The following OC90 variants were observed in gnomAD, a reference collection of about 807,000 sequenced individuals.
OC90 encodes the protein otoconin-90.
In OC90, 46 loss-of-function variants were observed where a neutral mutation model predicts 47.3. That is an observed-to-expected ratio of 0.97 (90% CI 0.77 to 1.24). The LOEUF is 1.24. Ranked by LOEUF, OC90 falls within the 50% of genes most tolerant of loss-of-function variation. The pLI, the probability that OC90 is intolerant of heterozygous loss-of-function variation, is 0.00. For missense variants in OC90, 688 were observed against 583.9 expected, an observed-to-expected ratio of 1.18 and a Z score of -1.84; for synonymous variants, 271 against 219.5, an observed-to-expected ratio of 1.23 and a Z score of -2.07.
At chr8:132,032,539 A>G (rs965149733) in intron 11 of OC90, among the ~76,000 whole-genome samples, 3 of 152,080 alleles carry the variant, frequency 2.0e-5, no homozygotes, top group Non-Finnish European at 2.9e-5. Context: ...CTCTGTCCAC[A>G]AATCTCAAAT....
intron 9 of OC90, chr8:132,036,272 T>A (rs1430985202): frequency 2.7e-6 from 2 of 750,864 alleles, no homozygotes; most frequent in East Asian, 4.9e-5. Flanking sequence ...TCAGGTTCCA[T>A]TAAGAAGTGG....
chr8:132,049,879 G>A (rs1306545427), intron 2 of OC90: 1 of 511,124 alleles, frequency 2.0e-6, no homozygotes, highest in Non-Finnish European at 4.0e-6. Flanking sequence ...TCTTTGGACT[G>A]CTAAGACGTG....
intron 10 of OC90, among the ~76,000 whole-genome samples, chr8:132,034,059 T>A (rs765542049): frequency 6.6e-6 from 1 of 152,170 alleles, no homozygotes; most frequent in African/African-American, 2.4e-5. Context: ...AGGTTTAACA[T>A]CCTGCCCAGT....
intron 4 of OC90, among the ~76,000 whole-genome samples, chr8:132,043,012 C>T (rs1311960065): frequency 6.6e-6 from 1 of 152,196 alleles, no homozygotes; most frequent in African/African-American, 2.4e-5. Flanking sequence ...ATGGAATCAA[C>T]CTAGGTTCTC....
chr8:132,054,467 A>G lies in OC90; in HGVS notation c.46+514T>C, dbSNP rs1014736583. Among the ~76,000 whole-genome samples the G allele has an allele frequency of 2.6e-5, 4 of 152,198 alleles. No individual in the cohort carries two copies. The East Asian group carries it at 7.7e-4, about 29-fold the overall frequency. On this transcript the variant is annotated intron_variant, in intron 2 of 13. Transcript: ENST00000254627. ...ACCCAGATTCAGACACCACTCCCAC[A>G]TCTTTGAGTCAGAAGCCTCAATAAC...
At position 132,041,119 on chromosome 8, in the gene OC90, C is replaced by T. The variant is rs377287262; in HGVS notation, c.382G>A (p.Ala128Thr). ...GGGTCTTGGAGACAGTCCATCTCAG[C>T]GGCCTCCTCATAGCACCTGCGGTGC... is the stretch of plus-strand genomic sequence containing the variant. ...FQHRRCYEEA[A>T]EMDCLQDPAK... The change falls in exon 6 of 14, where the codon GCT becomes ACT. Residue 128 changes from alanine (A) to threonine (T), a missense_variant. By Grantham distance (58) the Ala-to-Thr change is moderately conservative. Coordinates refer to ENST00000254627, the MANE Select transcript of OC90 (RefSeq NM_001080399.3). 1.8e-4 allele frequency: 292 copies of T among 1,613,664 alleles called. No homozygotes were observed. Among genetic ancestry groups the T allele is most frequent in the Middle Eastern group, 3.3e-4 (2 of 6,078 alleles).
intron 13 of OC90, among the ~76,000 whole-genome samples, chr8:132,028,588 A>C: frequency 3.3e-5 from 1 of 30,206 alleles, no homozygotes. Context: ...GGAAGGAAGG[A>C]AGGAAGGAAG....
intron 8 of OC90, among the ~76,000 whole-genome samples, chr8:132,037,975 C>A (rs1221634306): frequency 1.3e-5 from 2 of 152,210 alleles, no homozygotes; most frequent in Non-Finnish European, 2.9e-5. Flanking sequence ...CACACTCATG[C>A]ATGCACACAT....
In OC90 at chr8:132,038,772, A is replaced by C; in HGVS notation, c.628+18T>G. The stretch of plus-strand genomic sequence containing the variant: ...GGGCCCTTGTGGTTCAAGAGCCACC[A>C]ACCCTGGGAGGCCTTACCTCTGGGC... On this transcript the variant is annotated intron_variant, in intron 8 of 13. Coordinates refer to ENST00000254627, the MANE Select transcript of OC90 (RefSeq NM_001080399.3). 2.5e-6 allele frequency: 4 copies of C among 1,611,124 alleles called. No homozygotes were observed. Among genetic ancestry groups the C allele is most frequent in the Non-Finnish European group, 3.4e-6 (4 of 1,177,764 alleles).
chr8:132,029,224 C>T, intron 12 of OC90, 45 bp from the exon 13 acceptor site: 2 of 1,447,478 alleles, frequency 1.4e-6, no homozygotes, highest in Non-Finnish European at 1.9e-6. Flanking sequence ...TCCTGGCTTC[C>T]CTAGGAACCC....
At chr8:132,039,709 T>A (rs1219554229) in intron 6 of OC90, among the ~76,000 whole-genome samples, 2 of 152,094 alleles carry the variant, frequency 1.3e-5, no homozygotes, top group African/African-American at 4.8e-5. Context: ...ACTGCTCCCT[T>A]ATTTCTCAAC....
chr8:132,026,023 T>A (rs1822752325), intron 13 of OC90, among the ~76,000 whole-genome samples: 1 of 152,270 alleles, frequency 6.6e-6, no homozygotes, highest in South Asian at 2.1e-4. Context: ...CAGTTAAATT[T>A]GAATTTCAGT....
intron 8 of OC90, 34 bp from the exon 9 acceptor site, chr8:132,037,522 A>G (rs764722710): frequency 5.8e-6 from 9 of 1,550,646 alleles, no homozygotes; most frequent in Admixed American, 1.9e-5. Flanking sequence ...GCAGTGACTC[A>G]TGCAACACAG....
intron 1 of OC90, among the ~76,000 whole-genome samples, chr8:132,057,719 A>T (rs1823294727): frequency 6.6e-6 from 1 of 152,236 alleles, no homozygotes; most frequent in Non-Finnish European, 1.5e-5. Context: ...TAAACACAAC[A>T]TTTCATGGAT....
At chr8:132,028,030 G>A (rs1187033925) in intron 13 of OC90, among the ~76,000 whole-genome samples, 1 of 152,022 alleles carries the variant, frequency 6.6e-6, no homozygotes, top group Non-Finnish European at 1.5e-5. Flanking sequence ...TGCTACCTCG[G>A]GATACTGTTT....
At chr8:132,031,792 G>T in intron 12 of OC90, 89 bp downstream of exon 12, 2 of 1,169,082 alleles carry the variant, frequency 1.7e-6, no homozygotes, top group Non-Finnish European at 2.5e-6. Context: ...CCAAGTTTCA[G>T]CCTGGTGTCC....
intron 6 of OC90, among the ~76,000 whole-genome samples, chr8:132,039,562 A>G (rs981705910): frequency 6.6e-6 from 1 of 152,130 alleles, no homozygotes; most frequent in Non-Finnish European, 1.5e-5. Flanking sequence ...AGAACGTCCC[A>G]GCGTCTTCCC....
chr8:132,052,053 C>T (rs78611255), intron 2 of OC90, among the ~76,000 whole-genome samples: 8,921 of 151,946 alleles, frequency 0.059, 322 homozygotes, highest in Non-Finnish European at 0.068. Flanking sequence ...TGTGAGGCTG[C>T]GTGGGACGGC....
intron 2 of OC90, among the ~76,000 whole-genome samples, chr8:132,047,495 G>A (rs538395416): frequency 6.6e-6 from 1 of 152,122 alleles, no homozygotes; most frequent in African/African-American, 2.4e-5. Flanking sequence ...TTTATTTACT[G>A]TCCAATTGTA....
Sources: gnomAD v4.1 joint callset for allele counts (sites outside exome capture counted in the v4.1 genomes callset) on GRCh38, gnomAD v4.1.1 for gene constraint, MANE v1.5 for transcripts, NCBI Gene and HGNC (gene_info 2026-07-23, HGNC 2026-07-21) for gene names.